THSD7A: variants seen among roughly 807,000 people sequenced by gnomAD.
THSD7A encodes thrombospondin type-1 domain-containing protein 7A.
In THSD7A, 96 loss-of-function variants were observed where a neutral mutation model predicts 231.3. That is an observed-to-expected ratio of 0.41 (90% CI 0.35 to 0.49). THSD7A has a LOEUF of 0.49. Among genes scored for constraint, THSD7A ranks in the 20% least tolerant of loss-of-function variants. The pLI, the probability that THSD7A is intolerant of heterozygous loss-of-function variation, is 0.05. For synonymous variants in THSD7A, 940 were observed against 743.3 expected (o/e 1.26, Z -4.30); for missense variants, 2,290 against 2,070.2 (o/e 1.11, Z -2.06).
intron 7 of THSD7A, 95 bp downstream of exon 7, chr7:11,481,693 A>G (rs1786429990): frequency 2.3e-6 from 3 of 1,288,648 alleles, no homozygotes; most frequent in Non-Finnish European, 3.1e-6. Flanking sequence ...CTGGTTGTTG[A>G]CTTTCATAGA....
intron 17 of THSD7A, among the ~76,000 whole-genome samples, chr7:11,416,100 A>G (rs1384305953): frequency 6.6e-6 from 1 of 152,144 alleles, no homozygotes; most frequent in Non-Finnish European, 1.5e-5. Context: ...CAGTTTATTC[A>G]CCTCATTGAA....
intron 1 of THSD7A, among the ~76,000 whole-genome samples, chr7:11,721,921 C>A (rs2128153371): frequency 6.6e-6 from 1 of 151,754 alleles, no homozygotes; most frequent in East Asian, 2.0e-4. Flanking sequence ...ATATATTGAA[C>A]TCTTCTTATA....
chr7:11,400,170 G>A, intron 23 of THSD7A, among the ~76,000 whole-genome samples: 1 of 122,810 alleles, frequency 8.1e-6, no homozygotes, highest in African/African-American at 3.0e-5. Context: ...ATGGGGTCGG[G>A]GGAGGGGGGA....
intron 1 of THSD7A, among the ~76,000 whole-genome samples, chr7:11,686,030 A>C (rs1780041499): frequency 6.6e-6 from 1 of 151,954 alleles, no homozygotes; most frequent in African/African-American, 2.4e-5. Context: ...AATACTATAC[A>C]ACCATAAAAG....
chr7:11,775,904 TACTA>T (rs776693242), intron 1 of THSD7A, among the ~76,000 whole-genome samples: 27 of 152,216 alleles, frequency 1.8e-4, no homozygotes, highest in East Asian at 1.9e-4. Flanking sequence ...ATAAATTAAT[TACTA>T]ACTGTGAACA....
intron 4 of THSD7A, among the ~76,000 whole-genome samples, chr7:11,549,824 A>G (rs924456350): frequency 2.0e-5 from 3 of 152,078 alleles, no homozygotes; most frequent in African/African-American, 7.2e-5. Flanking sequence ...GTTGGGCTTG[A>G]TACCTAGGTG....
rs370166954 is a variant in THSD7A, at chr7:11,785,954, C to T, written c.190+45803G>A. On this transcript the variant is annotated intron_variant, in intron 1 of 27. Coordinates refer to ENST00000423059, the MANE Select transcript of THSD7A (RefSeq NM_015204.3). ...ATTTCTTTGCTCCCCCTATAGATCT[C>T]ATTTCCTATTTCAATCTGAAATGAT... 1.2e-4 allele frequency among the ~76,000 whole-genome samples: 19 copies of T among 152,234 alleles called. No individual in the cohort carries two copies. The East Asian group carries it at 1.3e-3, about 11-fold the overall frequency.
chr7:11,429,212 C>A, intron 13 of THSD7A, 87 bp from the exon 14 acceptor site: 1 of 1,323,058 alleles, frequency 7.6e-7, no homozygotes, highest in South Asian at 1.7e-5. Flanking sequence ...TTTAGAAGGT[C>A]CAAGACTGAC....
chr7:11,817,961 C>T (rs901347842), intron 1 of THSD7A, among the ~76,000 whole-genome samples: 1 of 152,126 alleles, frequency 6.6e-6, no homozygotes, highest in Non-Finnish European at 1.5e-5. Flanking sequence ...TCATTCCAAG[C>T]TATGCATTCA....
intron 13 of THSD7A, among the ~76,000 whole-genome samples, chr7:11,432,563 A>C (rs941865491): frequency 2.0e-5 from 3 of 152,050 alleles, no homozygotes; most frequent in Admixed American, 6.6e-5. Flanking sequence ...ATCGAATCAT[A>C]TAGTTTATAT....
intron 1 of THSD7A, among the ~76,000 whole-genome samples, chr7:11,819,814 C>A (rs1044318506): frequency 6.6e-6 from 1 of 152,020 alleles, no homozygotes; most frequent in Non-Finnish European, 1.5e-5. Flanking sequence ...AAACCATGGA[C>A]GTTGGTTAAT....
At chr7:11,565,334 T>C (rs1790262249) in intron 4 of THSD7A, among the ~76,000 whole-genome samples, 1 of 152,198 alleles carries the variant, frequency 6.6e-6, no homozygotes, top group Non-Finnish European at 1.5e-5. Flanking sequence ...GCTCCACACA[T>C]TTGCTGAGCA....
rs547882828 is a variant in THSD7A at position 11,552,537 on chromosome 7, C to T, written c.1454-9420G>A. On this transcript the variant is annotated intron_variant, in intron 4 of 27. Transcript: ENST00000423059. ...ATAAAGGCTCAAGGAAGTATTGATA[C>T]AGGAGTTAAGAAAAAATTACTTAGG... 9.2e-5 allele frequency among the ~76,000 whole-genome samples: 14 copies of T among 152,112 alleles called. No homozygotes were observed. The South Asian group carries it at 2.1e-3, about 23-fold the overall frequency.
At chr7:11,695,541 T>C (rs750292865) in intron 1 of THSD7A, among the ~76,000 whole-genome samples, 20 of 151,582 alleles carry the variant, frequency 1.3e-4, no homozygotes, top group Non-Finnish European at 2.1e-4. Flanking sequence ...TCTGTCTTGA[T>C]TGGGGTGAAA....
chr7:11,656,117 G>A (rs951386070), intron 1 of THSD7A, among the ~76,000 whole-genome samples: 8 of 151,824 alleles, frequency 5.3e-5, no homozygotes. Flanking sequence ...CCATTTTACA[G>A]TTCAAAATTG....
chr7:11,497,467 A>G (rs907177108), intron 6 of THSD7A, among the ~76,000 whole-genome samples: 32 of 152,186 alleles, frequency 2.1e-4, no homozygotes, highest in Non-Finnish European at 4.1e-4. Context: ...GACATTAGGA[A>G]TAAGGTAACT....
At chr7:11,653,805 G>A (rs986244620) in intron 1 of THSD7A, among the ~76,000 whole-genome samples, 5 of 151,892 alleles carry the variant, frequency 3.3e-5, no homozygotes, top group Admixed American at 6.6e-5. Context: ...TCGTAGTCAT[G>A]TGCACTAAAA....
chr7:11,614,771 G>A (rs1005689163), intron 2 of THSD7A, among the ~76,000 whole-genome samples: 2 of 152,018 alleles, frequency 1.3e-5, no homozygotes, highest in African/African-American at 2.4e-5. Flanking sequence ...TATAGAGTAT[G>A]TTGGTGGTGA....
At chr7:11,389,717 T>A (rs1327089473) in intron 23 of THSD7A, among the ~76,000 whole-genome samples, 1 of 152,082 alleles carries the variant, frequency 6.6e-6, no homozygotes, top group East Asian at 1.9e-4. Flanking sequence ...TTCATAGTGT[T>A]GATGGCCTTT....
Sources: gnomAD v4.1 joint callset for allele counts (sites outside exome capture counted in the v4.1 genomes callset) on GRCh38, gnomAD v4.1.1 for gene constraint, MANE v1.5 for transcripts, NCBI Gene and HGNC (gene_info 2026-07-23, HGNC 2026-07-21) for gene names.